MAGI1: variants seen among roughly 807,000 people sequenced by gnomAD.
MAGI1 encodes membrane associated guanylate kinase, WW and PDZ domain containing 1.
A neutral mutation model predicts 139.9 loss-of-function variants in MAGI1; 58 were observed. That is an observed-to-expected ratio of 0.41 (90% CI 0.34 to 0.52). The LOEUF is 0.52. MAGI1 is among the 20% of genes least tolerant of loss of function. The pLI, the probability that MAGI1 is intolerant of heterozygous loss-of-function variation, is 0.12. For missense variants in MAGI1, 1,874 were observed against 1,901.6 expected (o/e 0.99, Z 0.27); for synonymous variants, 812 against 737.9 (o/e 1.10, Z -1.63).
intron 1 of MAGI1, among the ~76,000 whole-genome samples, chr3:65,682,079 A>C (rs911335893): frequency 2.6e-5 from 4 of 152,152 alleles, no homozygotes; most frequent in African/African-American, 9.7e-5. Context: ...CTTTTAGCGT[A>C]CTCAGAGGAA....
At chr3:65,649,946 T>C (rs1003857219) in intron 1 of MAGI1, among the ~76,000 whole-genome samples, 2 of 152,164 alleles carry the variant, frequency 1.3e-5, no homozygotes, top group African/African-American at 2.4e-5. Flanking sequence ...AGATTGGTAG[T>C]TTCTTAAATA....
intron 1 of MAGI1, among the ~76,000 whole-genome samples, chr3:65,755,747 T>G (rs1053642333): frequency 6.6e-6 from 1 of 152,178 alleles, no homozygotes; most frequent in Non-Finnish European, 1.5e-5. Flanking sequence ...CTAAAAAAAA[T>G]TCAGGCAACA....
chr3:65,368,906 A>C (rs1234699222), intron 18 of MAGI1, among the ~76,000 whole-genome samples: 1 of 152,170 alleles, frequency 6.6e-6, no homozygotes, highest in Non-Finnish European at 1.5e-5. Context: ...ATTCAATCTG[A>C]TGGTTCCATG....
At chr3:65,359,857 C>T (rs1940624226) in intron 22 of MAGI1, 2 of 985,472 alleles carry the variant, frequency 2.0e-6, no homozygotes, top group Non-Finnish European at 2.4e-6. Context: ...CTGACGATGA[C>T]TCTCAAATGA....
chr3:65,638,597 ATTTTT>A (rs1173086138), intron 1 of MAGI1, among the ~76,000 whole-genome samples: 1,320 of 40,856 alleles, frequency 0.032, 10 homozygotes, highest in Middle Eastern at 0.087. Flanking sequence ...TGCTCTCCTG[ATTTTT>A]TTTTTTTTTT....
intron 1 of MAGI1, among the ~76,000 whole-genome samples, chr3:65,889,302 C>T (rs2060649388): frequency 6.6e-6 from 1 of 152,100 alleles, no homozygotes; most frequent in African/African-American, 2.4e-5. Flanking sequence ...GGGAAAGATC[C>T]ATCACTTTAA....
intron 1 of MAGI1, among the ~76,000 whole-genome samples, chr3:65,762,382 G>A (rs1160090408): frequency 1.3e-5 from 2 of 151,712 alleles, no homozygotes; most frequent in African/African-American, 2.4e-5. Flanking sequence ...TTCATTCTCC[G>A]AACACCAGCC....
chr3:65,910,477 G>A (rs1160774082), intron 1 of MAGI1, among the ~76,000 whole-genome samples: 1 of 152,086 alleles, frequency 6.6e-6, no homozygotes. Flanking sequence ...AATAAAGTAC[G>A]CCACCATTGC....
chr3:65,446,838 A>C (rs530832623), intron 7 of MAGI1, among the ~76,000 whole-genome samples: 59 of 152,214 alleles, frequency 3.9e-4, no homozygotes, highest in Non-Finnish European at 6.9e-4. Context: ...ACATCTTTAA[A>C]AATAGATCCA....
chr3:65,924,321 C>T (rs182073735), intron 1 of MAGI1, among the ~76,000 whole-genome samples: 2 of 152,250 alleles, frequency 1.3e-5, no homozygotes, highest in Admixed American at 6.5e-5. Flanking sequence ...CTAAAATGCC[C>T]GAATTAAGAA....
intron 1 of MAGI1, among the ~76,000 whole-genome samples, chr3:65,763,884 A>G (rs1300135973): frequency 2.6e-5 from 4 of 151,962 alleles, no homozygotes; most frequent in African/African-American, 4.8e-5. Context: ...CAGCCTGGGC[A>G]ACATGGAGAA....
intron 2 of MAGI1, among the ~76,000 whole-genome samples, chr3:65,507,818 G>A (rs1012969691): frequency 6.6e-6 from 1 of 152,006 alleles, no homozygotes; most frequent in East Asian, 1.9e-4. Context: ...GGACTATATA[G>A]TTTCTAGATA....
chr3:65,425,135 A>AAAAAAAAAAAAAAAAC (rs1559543283), intron 12 of MAGI1, among the ~76,000 whole-genome samples: 6 of 87,782 alleles, frequency 6.8e-5, no homozygotes, highest in Non-Finnish European at 9.0e-5. Flanking sequence ...AAAAAAAACA[A>AAAAAAAAAAAAAAAAC]AAAAAAACAC....
rs372617376 is a variant in MAGI1, at chr3:65,991,672, TCTTTCTTG to T, written c.313+46316_313+46323del. Among the ~76,000 whole-genome samples the T allele has an allele frequency of 5.9e-5, 9 of 152,266 alleles. 1 individual carries two copies. The highest frequency in any genetic ancestry group is 2.2e-4 in the African/African-American group (9 of 41,564). On this transcript the variant is annotated intron_variant, in intron 1 of 22. Transcript: ENST00000402939. ...CCAAATATGAGTTTTGATCTAGATA[TCTTTCTTG>T]CTTAGACTCTTCCCTAAATCACACG...
At chr3:65,826,193 C>T (rs2108274771) in intron 1 of MAGI1, among the ~76,000 whole-genome samples, 1 of 152,098 alleles carries the variant, frequency 6.6e-6, no homozygotes, top group African/African-American at 2.4e-5. Context: ...TGACTGAATT[C>T]TGTTTGCTTA....
At chr3:65,857,622 T>C (rs1005844913) in intron 1 of MAGI1, among the ~76,000 whole-genome samples, 1 of 152,142 alleles carries the variant, frequency 6.6e-6, no homozygotes, top group Non-Finnish European at 1.5e-5. Flanking sequence ...TCAGCAAAGC[T>C]GTGATTTTTA....
intron 1 of MAGI1, among the ~76,000 whole-genome samples, chr3:66,027,845 TC>T (rs2068372538): frequency 6.6e-6 from 1 of 152,080 alleles, no homozygotes; most frequent in Non-Finnish European, 1.5e-5. Context: ...TTCAGCAGGG[TC>T]CCGGGCCTCT....
rs753492302 is a variant in MAGI1 at position 65,821,552 on chromosome 3, C to A, written c.314-199464G>T. Among the ~76,000 whole-genome samples the A allele has an allele frequency of 4.5e-4, 69 of 152,300 alleles. 1 individual carries two copies. Among genetic ancestry groups the A allele is most frequent in the Middle Eastern group, 3.4e-3 (1 of 294 alleles). ...AAATGCTTTCTTACCAAGTGAACCA[C>A]TAAAGACTTTGTCAATCCAATCTTC... On this transcript the variant is annotated intron_variant, in intron 1 of 22. Coordinates refer to ENST00000402939, the MANE Select transcript of MAGI1 (RefSeq NM_001033057.2).
chr3:65,429,501 AC>A lies in MAGI1; in HGVS notation c.2167+18del. 1 of 1,567,098 alleles carries A rather than the reference AC, an allele frequency of 6.4e-7. No homozygotes were observed. Among genetic ancestry groups the A allele is most frequent in the East Asian group, 2.3e-5 (1 of 44,352 alleles). On this transcript the variant is annotated intron_variant, in intron 12 of 22. Transcript: ENST00000402939. ...TTGGGATAAAAAAAAAATTCAAAGA[AC>A]AAAACAACCCTACTTACCTCCTCGT...
Sources: gnomAD v4.1 joint callset for allele counts (sites outside exome capture counted in the v4.1 genomes callset) on GRCh38, gnomAD v4.1.1 for gene constraint, MANE v1.5 for transcripts, NCBI Gene and HGNC (gene_info 2026-07-23, HGNC 2026-07-21) for gene names.